The following MUC13 variants were observed in gnomAD, a reference collection of about 807,000 sequenced individuals.
MUC13 encodes the protein mucin-13.
MUC13 carries 32 observed loss-of-function variants against 48.3 expected under a neutral mutation model. The ratio of observed to expected loss-of-function variants is 0.66; its 90% CI spans 0.50 to 0.89. MUC13 has a LOEUF of 0.89. Ranked by LOEUF, MUC13 falls within the 40% of genes least tolerant of loss-of-function variation. MUC13 has a pLI of 0.00. For missense variants in MUC13, 571 were observed against 622.8 expected (o/e 0.92, Z 0.88); for synonymous variants, 199 against 224.9 (o/e 0.88, Z 1.03).
At chr3:124,921,553 T>G (rs983725186) in intron 4 of MUC13, among the ~76,000 whole-genome samples, 2 of 152,234 alleles carry the variant, frequency 1.3e-5, no homozygotes, top group African/African-American at 4.8e-5. Context: ...CTTCCAGAGC[T>G]AACATCTGTG....
intron 1 of MUC13, among the ~76,000 whole-genome samples, chr3:124,930,995 TA>T (rs1304783373): frequency 6.6e-6 from 1 of 152,140 alleles, no homozygotes; most frequent in African/African-American, 2.4e-5. Flanking sequence ...ATACAAGGCA[TA>T]GGGGTGAGGA....
At chr3:124,915,238 G>C (rs1006258843) in intron 6 of MUC13, among the ~76,000 whole-genome samples, 4 of 152,204 alleles carry the variant, frequency 2.6e-5, no homozygotes, top group African/African-American at 9.7e-5. Context: ...ATGGTGGGTT[G>C]ACTGCAGTCA....
intron 5 of MUC13, among the ~76,000 whole-genome samples, chr3:124,917,283 G>A (rs933657924): frequency 2.6e-5 from 4 of 152,124 alleles, no homozygotes; most frequent in Non-Finnish European, 4.4e-5. Context: ...CTGATTTGTC[G>A]CTCTGTGCTT....
rs765056882 is a variant in MUC13 at position 124,923,615 on chromosome 3, T to A, written c.549A>T (p.Ala183=). 1.2e-6 allele frequency: 2 copies of A among 1,614,028 alleles called. No homozygotes were observed. The highest frequency in any genetic ancestry group is 1.7e-6 in the Non-Finnish European group (2 of 1,179,956). The change falls in exon 3 of 12, where the codon GCA becomes GCT. Residue 183 remains alanine (A), a synonymous_variant. Coordinates refer to ENST00000616727, the MANE Select transcript of MUC13 (RefSeq NM_033049.4). ...PSNPCQDDPC[A]DNSLCVKLHN... ...GCAGCTTAACACATAACGAATTATC[T>A]GCACAGGGATCATCTTGGCAAGGAT...
Position 124,922,282 on chromosome 3 carries a change from A to G in MUC13, c.659T>C (p.Ile220Thr). 1 of 1,614,002 alleles carries G rather than the reference A, an allele frequency of 6.2e-7. No homozygotes were observed. The highest frequency in any genetic ancestry group is 8.5e-7 in the Non-Finnish European group (1 of 1,179,948). Residue 220 changes from isoleucine (I) to threonine (T), a missense_variant, in exon 4 of 12, where the codon ATT (isoleucine) becomes ACT (threonine). Ile to Thr is a moderately conservative substitution (Grantham distance 89, BLOSUM62 -1). Coordinates refer to ENST00000616727, the MANE Select transcript of MUC13 (RefSeq NM_033049.4). ...CKKGKVFPGK[I>T]SVTVSETFDP... is the part of the protein sequence containing the mutation. ...AAATGTTTCTGATACTGTCACTGAA[A>G]TCTTCCCAGGGAATACCTTTCCTGA...
At chr3:124,920,122 C>G (rs920540226) in intron 5 of MUC13, 112 bp downstream of exon 5, 4 of 919,648 alleles carry the variant, frequency 4.3e-6, no homozygotes, top group Non-Finnish European at 6.9e-6. Flanking sequence ...ACCCTCTCCT[C>G]TTAACTTGTG....
At chr3:124,912,341 G>T in intron 8 of MUC13, 200 bp from the exon 9 acceptor site, 2 of 698,676 alleles carry the variant, frequency 2.9e-6, no homozygotes, top group Non-Finnish European at 4.6e-6. Context: ...GGAAGGGTGA[G>T]GGGGGTACGC....
Position 124,916,324 on chromosome 3 carries a change from GT to G in MUC13, c.956del (p.Asn319ThrfsTer4). 6.2e-7 allele frequency: 1 copy of G among 1,609,676 alleles called. No individual in the cohort carries two copies. Among genetic ancestry groups the G allele is most frequent in the Non-Finnish European group, 8.5e-7 (1 of 1,178,156 alleles). ...AIRSSSSNFL[N>X]YDLTLRCDYY... ...AAATTATACAATACTTACAATCATA[GT>G]TTAGAAAGTTGCTTGAGCTACTTCT... On this transcript the variant is annotated frameshift_variant, in exon 6 of 12. Coordinates refer to ENST00000616727, the MANE Select transcript of MUC13 (RefSeq NM_033049.4). LOFTEE classifies it high-confidence loss of function.
intron 9 of MUC13, among the ~76,000 whole-genome samples, chr3:124,911,057 C>T (rs1935412941): frequency 6.6e-6 from 1 of 152,150 alleles, no homozygotes; most frequent in Admixed American, 6.5e-5. Flanking sequence ...ATTGCAAACA[C>T]TTCATGTGAA....
At chr3:124,910,541 G>A in intron 9 of MUC13, 42 bp from the exon 10 acceptor site, 2 of 1,610,790 alleles carry the variant, frequency 1.2e-6, no homozygotes, top group Non-Finnish European at 1.7e-6. Flanking sequence ...CAACAAGCTG[G>A]CCCCCAACTG....
intron 1 of MUC13, 87 bp downstream of exon 1, chr3:124,934,574 G>A: frequency 1.1e-6 from 1 of 882,718 alleles, no homozygotes; most frequent in Non-Finnish European, 1.9e-6. Context: ...TGCTGGGCTG[G>A]GAGAATTGGT....
At chr3:124,926,868 G>A (rs766669370) in intron 2 of MUC13, among the ~76,000 whole-genome samples, 3 of 152,154 alleles carry the variant, frequency 2.0e-5, no homozygotes, top group Non-Finnish European at 2.9e-5. Context: ...ACTGATAAAC[G>A]TAGTTGATTT....
intron 11 of MUC13, 90 bp downstream of exon 11, chr3:124,908,057 C>G: frequency 8.0e-7 from 1 of 1,248,368 alleles, no homozygotes; most frequent in Non-Finnish European, 1.1e-6. Context: ...GCCTGCGGGG[C>G]AGCCAAGGAT....
At chr3:124,918,914 C>T (rs773202624) in intron 5 of MUC13, among the ~76,000 whole-genome samples, 1 of 152,188 alleles carries the variant, frequency 6.6e-6, no homozygotes, top group Non-Finnish European at 1.5e-5. Context: ...GAAAACTGTG[C>T]CTCTTCACTG....
chr3:124,928,082 CTTTTT>C, intron 1 of MUC13, 89 bp from the exon 2 acceptor site: 6 of 715,928 alleles, frequency 8.4e-6, no homozygotes, highest in Non-Finnish European at 1.0e-5. Context: ...CCAACTCATT[CTTTTT>C]TTTTTTTTTT....
intron 5 of MUC13, 54 bp downstream of exon 5, chr3:124,920,180 T>A (rs1432004210): frequency 6.7e-7 from 1 of 1,482,398 alleles, no homozygotes; most frequent in Non-Finnish European, 9.3e-7. Context: ...CAAGAGAAGC[T>A]CGGAAGTTAG....
Position 124,906,034 on chromosome 3 carries a change from G to C in MUC13, c.*709C>G, listed in dbSNP as rs772457466. On this transcript the variant is annotated 3_prime_UTR_variant, in exon 12 of 12. Transcript: ENST00000616727. ...GCCTCCTAGCATTTCAAAAACTGTA[G>C]AGTGCACCCCATAGTGGACATTTTT... 1 of 152,582 alleles carries C rather than the reference G, an allele frequency of 6.6e-6. No homozygotes were observed. Among genetic ancestry groups the C allele is most frequent in the Non-Finnish European group, 1.5e-5 (1 of 68,048 alleles). 9.5% of individuals were successfully genotyped at this position (152,582 alleles called of 1,614,324 possible).
chr3:124,932,410 A>G (rs2107675014), intron 1 of MUC13, among the ~76,000 whole-genome samples: 1 of 152,112 alleles, frequency 6.6e-6, no homozygotes, highest in Admixed American at 6.5e-5. Context: ...TACTAAAAAT[A>G]CAAAAATTAG....
At chr3:124,926,284 T>C (rs1210098583) in intron 2 of MUC13, among the ~76,000 whole-genome samples, 1 of 152,206 alleles carries the variant, frequency 6.6e-6, no homozygotes, top group Non-Finnish European at 1.5e-5. Context: ...TGCAGATCAC[T>C]AAGTTGAAGC....
Sources: allele counts gnomAD v4.1 joint callset (sites outside exome capture counted in the v4.1 genomes callset), GRCh38; gene constraint gnomAD v4.1.1; transcripts MANE v1.5; gene names NCBI Gene and HGNC (gene_info 2026-07-23, HGNC 2026-07-21).